GPC5: variants seen among roughly 807,000 people sequenced by gnomAD.
GPC5 encodes glypican 5, also known as glypican-5.
Under a neutral mutation model 53.9 loss-of-function variants are expected in GPC5, and 47 were observed. The observed-to-expected ratio is 0.87, with a 90% CI of 0.69 to 1.11. The LOEUF (loss-of-function observed/expected upper bound fraction) is 1.11. GPC5 is among the 50% of genes most tolerant of loss of function. The pLI is 0.00. For synonymous variants in GPC5, 286 were observed against 263.3 expected, an observed-to-expected ratio of 1.09 and a Z score of -0.84; for missense variants, 748 against 713.1, an observed-to-expected ratio of 1.05 and a Z score of -0.56.
At chr13:92,124,758 A>T (rs1227036495) in intron 6 of GPC5, among the ~76,000 whole-genome samples, 1 of 152,194 alleles carries the variant, frequency 6.6e-6, no homozygotes, top group African/African-American at 2.4e-5. Flanking sequence ...ATAAAAAAAA[A>T]CTGTAGAGAC....
At chr13:92,786,935 G>A (rs1876257774) in intron 7 of GPC5, among the ~76,000 whole-genome samples, 1 of 152,168 alleles carries the variant, frequency 6.6e-6, no homozygotes. Flanking sequence ...GAAGGAGCCT[G>A]AAAACAGCTG....
intron 7 of GPC5, among the ~76,000 whole-genome samples, chr13:92,273,364 C>T (rs887858918): frequency 6.6e-6 from 1 of 152,072 alleles, no homozygotes; most frequent in Admixed American, 6.6e-5. Context: ...AATCTCCATA[C>T]TCATTAGCTA....
chr13:92,071,665 G>C (rs1005315343), intron 6 of GPC5, among the ~76,000 whole-genome samples: 17 of 151,686 alleles, frequency 1.1e-4, no homozygotes, highest in African/African-American at 4.1e-4. Flanking sequence ...TTATCCTTCT[G>C]CTAAATTTCT....
chr13:92,287,602 G>A (rs531060238), intron 7 of GPC5, among the ~76,000 whole-genome samples: 5 of 152,020 alleles, frequency 3.3e-5, no homozygotes, highest in Non-Finnish European at 7.4e-5. Context: ...TCATCTCAGG[G>A]TCCTACAGCT....
intron 4 of GPC5, 104 bp downstream of exon 4, chr13:91,728,769 C>CA (rs536559850): frequency 0.05 from 36,297 of 722,678 alleles, 9 homozygotes; most frequent in Non-Finnish European, 0.053. Flanking sequence ...TCAATATGGA[C>CA]AAAAAAAAAA....
chr13:91,981,104 G>C (rs978591459), intron 6 of GPC5, among the ~76,000 whole-genome samples: 4 of 152,170 alleles, frequency 2.6e-5, no homozygotes, highest in Non-Finnish European at 5.9e-5. Context: ...ATGCATTTCT[G>C]TTGGATATAT....
At chr13:91,740,075 C>G (rs1389890953) in intron 4 of GPC5, among the ~76,000 whole-genome samples, 3 of 146,092 alleles carry the variant, frequency 2.1e-5, no homozygotes, top group Non-Finnish European at 4.4e-5. Context: ...GCCCACATCC[C>G]CACTTAGCTT....
At chr13:91,721,653 C>T (rs561470783) in intron 3 of GPC5, among the ~76,000 whole-genome samples, 1 of 152,246 alleles carries the variant, frequency 6.6e-6, no homozygotes, top group African/African-American at 2.4e-5. Flanking sequence ...CCCTAGGCTC[C>T]CCAGTACTAT....
At chr13:92,445,723 C>T (rs1010566072) in intron 7 of GPC5, among the ~76,000 whole-genome samples, 4 of 151,892 alleles carry the variant, frequency 2.6e-5, no homozygotes, top group South Asian at 2.1e-4. Context: ...CATTGTTGGA[C>T]GTTTGGGTTG....
At chr13:92,181,234 C>T (rs896740837) in intron 7 of GPC5, among the ~76,000 whole-genome samples, 1 of 152,082 alleles carries the variant, frequency 6.6e-6, no homozygotes, top group Non-Finnish European at 1.5e-5. Flanking sequence ...ATTAAAACTA[C>T]TCACATGATA....
chr13:91,830,494 G>A (rs1208293893), intron 5 of GPC5, among the ~76,000 whole-genome samples: 5 of 151,876 alleles, frequency 3.3e-5, no homozygotes, highest in Non-Finnish European at 5.9e-5. Flanking sequence ...GAAATCACAA[G>A]GGTATTGATT....
intron 7 of GPC5, among the ~76,000 whole-genome samples, chr13:92,320,563 A>G (rs915387231): frequency 6.6e-5 from 10 of 152,110 alleles, no homozygotes; most frequent in East Asian, 3.9e-4. Flanking sequence ...AGTGTTCCCC[A>G]TAAGTGTTTT....
chr13:92,735,297 A>C (rs993288515), intron 7 of GPC5, among the ~76,000 whole-genome samples: 6 of 151,904 alleles, frequency 3.9e-5, no homozygotes, highest in Non-Finnish European at 1.5e-5. Flanking sequence ...TCCTTCACCA[A>C]ATAATGCATA....
At chr13:92,251,019 A>G (rs75011160) in intron 7 of GPC5, among the ~76,000 whole-genome samples, 198 of 152,272 alleles carry the variant, frequency 1.3e-3, no homozygotes, top group African/African-American at 4.3e-3. Context: ...TATGTTAAGG[A>G]TTCTACATAG....
At chr13:92,745,011 T>A (rs1889205694) in intron 7 of GPC5, among the ~76,000 whole-genome samples, 1 of 152,076 alleles carries the variant, frequency 6.6e-6, no homozygotes, top group South Asian at 2.1e-4. Flanking sequence ...TGTGTAATAA[T>A]AATTCATATC....
intron 2 of GPC5, among the ~76,000 whole-genome samples, chr13:91,459,129 G>A (rs146501439): frequency 9.9e-5 from 15 of 151,842 alleles, no homozygotes; most frequent in African/African-American, 3.6e-4. Flanking sequence ...GGTGATGGGT[G>A]CACCAAAATT....
chr13:92,713,371 T>A (rs1336593075), intron 7 of GPC5, among the ~76,000 whole-genome samples: 1 of 147,982 alleles, frequency 6.8e-6, no homozygotes, highest in African/African-American at 2.5e-5. Context: ...GGCGGGTGGA[T>A]CACGAGGTCA....
intron 7 of GPC5, among the ~76,000 whole-genome samples, chr13:92,764,948 A>G (rs961952155): frequency 2.6e-5 from 4 of 152,190 alleles, no homozygotes; most frequent in Admixed American, 1.3e-4. Context: ...TTTGAATTTA[A>G]TATGTCAAGA....
chr13:92,198,624 A>G (rs1266104306), intron 7 of GPC5, among the ~76,000 whole-genome samples: 1 of 152,178 alleles, frequency 6.6e-6, no homozygotes, highest in East Asian at 1.9e-4. Context: ...TCCCGTCAAG[A>G]CTGATGTCAA....
Sources: gnomAD v4.1 joint callset for allele counts (sites outside exome capture counted in the v4.1 genomes callset) on GRCh38, gnomAD v4.1.1 for gene constraint, MANE v1.5 for transcripts, NCBI Gene and HGNC (gene_info 2026-07-23, HGNC 2026-07-21) for gene names.